Variants in ARMH4 observed in about 807,000 individuals in gnomAD.
ARMH4 encodes armadillo-like helical domain-containing protein 4.
Under a neutral mutation model 61.9 loss-of-function variants are expected in ARMH4, and 49 were observed. That is an observed-to-expected ratio of 0.79 (90% confidence interval 0.63 to 1.00). The LOEUF is 1.00. ARMH4 is among the 50% of genes least tolerant of loss of function. The pLI, the probability that ARMH4 is intolerant of heterozygous loss-of-function variation, is 0.00. For missense variants in ARMH4, 934 were observed against 930.0 expected, an observed-to-expected ratio of 1.00 and a Z score of -0.06; for synonymous variants, 368 against 341.5, an observed-to-expected ratio of 1.08 and a Z score of -0.85.
intron 5 of ARMH4, among the ~76,000 whole-genome samples, chr14:58,082,903 A>C (rs190737696): frequency 4.1e-4 from 63 of 152,266 alleles, no homozygotes; most frequent in African/African-American, 4.8e-4. Flanking sequence ...AGCTGGGGTC[A>C]TGTGACTAGT....
intron 5 of ARMH4, among the ~76,000 whole-genome samples, chr14:58,021,865 T>G (rs1264880460): frequency 6.6e-6 from 1 of 152,162 alleles, no homozygotes; most frequent in Non-Finnish European, 1.5e-5. Flanking sequence ...CAGGTTAGCC[T>G]TCAGTGGATT....
rs1881957644 is a variant in ARMH4, at chr14:58,000,854, A to C, written c.*3882T>G. ...ATGATCTGCCCACCTTGGCCTCCCA[A>C]AGTGCTGGGATTACAGGCGTGAGCC... On this transcript the variant is annotated 3_prime_UTR_variant, in exon 8 of 8. Transcript: ENST00000267485. The C allele has an allele frequency of 6.6e-6, 1 of 152,276 alleles. No individual in the cohort carries two copies. The highest frequency in any genetic ancestry group is 1.5e-5 in the Non-Finnish European group (1 of 68,166). 9.4% of individuals were successfully genotyped at this position (152,276 alleles called of 1,614,324 possible).
At chr14:58,151,999 T>G (rs1327890900) in intron 1 of ARMH4, 76 bp downstream of exon 1, 1 of 152,296 alleles carries the variant, frequency 6.6e-6, no homozygotes. Flanking sequence ...CCACTGAGGC[T>G]CCGGTTCCGT....
At chr14:58,076,100 AAGGGGG>A (rs1885038559) in intron 5 of ARMH4, among the ~76,000 whole-genome samples, 1 of 136,862 alleles carries the variant, frequency 7.3e-6, no homozygotes, top group Non-Finnish European at 1.6e-5. Context: ...AGGGGAGGGG[AAGGGGG>A]AGGGGGAAGG....
chr14:58,058,131 T>C (rs1884410231), intron 5 of ARMH4, among the ~76,000 whole-genome samples: 1 of 152,214 alleles, frequency 6.6e-6, no homozygotes. Flanking sequence ...AACCCTTGGA[T>C]ACCAACATCT....
At position 58,004,797 on chromosome 14, in the gene ARMH4, T is replaced by C; in HGVS notation, c.2264A>G (p.Glu755Gly). The stretch of plus-strand genomic sequence containing the variant: ...TACTCGATCTTGCATGCTGTTGAAT[T>C]CTCTCTGCTAGAGAAAGAAAACAGA... ...GFKRHKRKQR[E>G]FNSMQDRVML... The change falls in exon 8 of 8, where the codon GAA (glutamate) becomes GGA (glycine). Residue 755 changes from glutamate to glycine, a missense_variant. Glu to Gly is a moderately conservative substitution (Grantham distance 98). Coordinates refer to ENST00000267485, the MANE Select transcript of ARMH4 (RefSeq NM_001001872.4). 1.2e-6 allele frequency: 2 copies of C among 1,610,700 alleles called. No individual in the cohort carries two copies. The highest frequency in any genetic ancestry group is 8.5e-7 in the Non-Finnish European group (1 of 1,177,140).
chr14:58,117,666 C>G (rs373937509), intron 4 of ARMH4, among the ~76,000 whole-genome samples: 2 of 152,158 alleles, frequency 1.3e-5, no homozygotes, highest in Non-Finnish European at 2.9e-5. Flanking sequence ...CTCAACAACA[C>G]CCTATCTTCC....
At chr14:58,098,329 A>G (rs1885831776) in intron 4 of ARMH4, among the ~76,000 whole-genome samples, 1 of 152,186 alleles carries the variant, frequency 6.6e-6, no homozygotes, top group Non-Finnish European at 1.5e-5. Context: ...TTCAACAAAT[A>G]TGTATCAACC....
At chr14:58,090,803 C>A (rs1254722801) in intron 5 of ARMH4, among the ~76,000 whole-genome samples, 1 of 150,090 alleles carries the variant, frequency 6.7e-6, no homozygotes, top group Non-Finnish European at 1.5e-5. Flanking sequence ...TCGCTTGAAC[C>A]CGAGAGGTGG....
At chr14:58,130,541 A>T (rs1463751216) in intron 4 of ARMH4, among the ~76,000 whole-genome samples, 1 of 152,240 alleles carries the variant, frequency 6.6e-6, no homozygotes, top group African/African-American at 2.4e-5. Context: ...GACATTTTGT[A>T]TCTCCAGCCA....
intron 5 of ARMH4, among the ~76,000 whole-genome samples, chr14:58,022,815 C>G (rs1394692952): frequency 6.6e-6 from 1 of 152,128 alleles, no homozygotes; most frequent in African/African-American, 2.4e-5. Flanking sequence ...ACAGACATAC[C>G]TTGGAGATAT....
intron 4 of ARMH4, among the ~76,000 whole-genome samples, chr14:58,129,664 T>G (rs1045691310): frequency 3.3e-5 from 5 of 152,228 alleles, no homozygotes; most frequent in Non-Finnish European, 7.3e-5. Flanking sequence ...GTAGGTTGAT[T>G]TGTTTAAATC....
At chr14:58,070,444 T>C (rs11849363) in intron 5 of ARMH4, among the ~76,000 whole-genome samples, 6,461 of 152,194 alleles carry the variant, frequency 0.042, 431 homozygotes, top group African/African-American at 0.15. Flanking sequence ...GACCACACCA[T>C]AAATTAATAG....
intron 5 of ARMH4, among the ~76,000 whole-genome samples, chr14:58,090,933 G>A (rs181019098): frequency 1.3e-5 from 2 of 150,066 alleles, no homozygotes; most frequent in East Asian, 2.0e-4. Context: ...GAAGCACAGT[G>A]GGCCAGGCAC....
intron 5 of ARMH4, among the ~76,000 whole-genome samples, chr14:58,093,227 T>C (rs555727896): frequency 5.3e-4 from 80 of 152,296 alleles, no homozygotes; most frequent in African/African-American, 1.8e-3. Flanking sequence ...CTTTCCTTTA[T>C]AAATTACCCA....
rs1033508715 is a variant in ARMH4, at chr14:58,152,171, T to TAGCGGCGGC, written c.-162_-154dup. On this transcript the variant is annotated 5_prime_UTR_variant, in exon 1 of 8. Transcript: ENST00000267485. ...GCGGGCCCTGCGGCGGCGGCGGCGG[T>TAGCGGCGGC]AGCGGCGGCGACTCCCTCCGCTGTC... The TAGCGGCGGC allele has an allele frequency of 2.1e-4, 34 of 160,438 alleles. No individual in the cohort carries two copies. Among genetic ancestry groups the TAGCGGCGGC allele is most frequent in the Admixed American group, 1.1e-3 (17 of 15,344 alleles). The allele number at this position is 160,438 out of a possible 1,614,324, so 9.9% of individuals were successfully genotyped here. A position where few individuals can be genotyped will look rare whatever the true frequency, so the allele number is the denominator to read the frequency against.
chr14:58,091,685 G>A (rs183325730), intron 5 of ARMH4, among the ~76,000 whole-genome samples: 1 of 152,324 alleles, frequency 6.6e-6, no homozygotes, highest in East Asian at 1.9e-4. Flanking sequence ...AACAGGATAA[G>A]AAGTGGTGTG....
At chr14:58,074,302 T>G (rs1380039499) in intron 5 of ARMH4, among the ~76,000 whole-genome samples, 1 of 152,174 alleles carries the variant, frequency 6.6e-6, no homozygotes, top group Non-Finnish European at 1.5e-5. Context: ...ATTTGACAAG[T>G]GGAGTTGTAC....
At chr14:58,010,107 T>C (rs1036928721) in intron 6 of ARMH4, among the ~76,000 whole-genome samples, 2 of 152,202 alleles carry the variant, frequency 1.3e-5, no homozygotes, top group Non-Finnish European at 2.9e-5. Flanking sequence ...TAGTTTTTAG[T>C]TCTAAGGGAT....
Sources: gnomAD v4.1 joint callset for allele counts (sites outside exome capture counted in the v4.1 genomes callset) on GRCh38, gnomAD v4.1.1 for gene constraint, MANE v1.5 for transcripts, NCBI Gene and HGNC (gene_info 2026-07-23, HGNC 2026-07-21) for gene names.